RASGEF1C: variants seen among roughly 807,000 people sequenced by gnomAD.
The protein encoded by RASGEF1C is ras-GEF domain-containing family member 1C.
Under a neutral mutation model 58.1 loss-of-function variants are expected in RASGEF1C, and 27 were observed. That is an observed-to-expected ratio of 0.46 (90% CI 0.34 to 0.64). The LOEUF (loss-of-function observed/expected upper bound fraction) is 0.64, where lower values mean the gene tolerates loss of function less well. RASGEF1C is among the 30% of genes least tolerant of loss of function. The pLI, the probability that RASGEF1C is intolerant of heterozygous loss-of-function variation, is 0.01. For missense variants in RASGEF1C, 502 were observed against 605.1 expected (o/e 0.83, Z 1.79); for synonymous variants, 243 against 246.3 (o/e 0.99, Z 0.13).
chr5:180,206,718 A>C (rs958244864), intron 1 of RASGEF1C, among the ~76,000 whole-genome samples: 1 of 152,248 alleles, frequency 6.6e-6, no homozygotes, highest in Non-Finnish European at 1.5e-5. Flanking sequence ...ATAAACAATA[A>C]TAGTACAGCC....
At chr5:180,119,203 C>T (rs2113253666) in intron 8 of RASGEF1C, 143 bp downstream of exon 8, 1 of 730,800 alleles carries the variant, frequency 1.4e-6, no homozygotes, top group East Asian at 2.6e-5. Context: ...ATGGGGCTGC[C>T]CAGGCCTTCA....
intron 12 of RASGEF1C, 23 bp downstream of exon 12, chr5:180,111,434 G>A: frequency 6.2e-7 from 1 of 1,614,032 alleles, no homozygotes; most frequent in Non-Finnish European, 8.5e-7. Context: ...CCAGTAGGCA[G>A]GAGGGCTGCA....
chr5:180,126,247 A>C (rs911056692), intron 6 of RASGEF1C, among the ~76,000 whole-genome samples: 1 of 152,060 alleles, frequency 6.6e-6, no homozygotes, highest in Non-Finnish European at 1.5e-5. Context: ...CTCTACTAAA[A>C]ATACAAAAAA....
chr5:180,203,345 A>C (rs1756429034), intron 1 of RASGEF1C, among the ~76,000 whole-genome samples: 1 of 152,268 alleles, frequency 6.6e-6, no homozygotes, highest in Non-Finnish European at 1.5e-5. Flanking sequence ...TGATAGAGTA[A>C]GCAGTCATGC....
intron 1 of RASGEF1C, among the ~76,000 whole-genome samples, chr5:180,204,472 A>G (rs1756455453): frequency 6.6e-6 from 1 of 152,210 alleles, no homozygotes; most frequent in Non-Finnish European, 1.5e-5. Flanking sequence ...CAGACCTGAT[A>G]TTGGGAAATC....
At chr5:180,194,946 T>A (rs1756238868) in intron 1 of RASGEF1C, among the ~76,000 whole-genome samples, 1 of 152,152 alleles carries the variant, frequency 6.6e-6, no homozygotes. Context: ...CTGCTGAAGG[T>A]TGACAGGAAA....
intron 1 of RASGEF1C, among the ~76,000 whole-genome samples, chr5:180,180,038 C>T (rs551232056): frequency 1.3e-5 from 2 of 152,176 alleles, no homozygotes; most frequent in African/African-American, 2.4e-5. Context: ...GCCAGCTAGG[C>T]GGGGGCAGGC....
intron 12 of RASGEF1C, among the ~76,000 whole-genome samples, chr5:180,108,219 T>TTG (rs1765901372): frequency 2.0e-5 from 3 of 150,184 alleles, no homozygotes; most frequent in Non-Finnish European, 4.4e-5. Context: ...TTTTTTTTTT[T>TTG]GAGACAGAGT....
chr5:180,162,257 A>G (rs1766954775), intron 1 of RASGEF1C, among the ~76,000 whole-genome samples: 1 of 152,184 alleles, frequency 6.6e-6, no homozygotes, highest in African/African-American at 2.4e-5. Context: ...CCACTTTGCA[A>G]TCCCCATCTT....
At chr5:180,167,545 T>A (rs1767041713) in intron 1 of RASGEF1C, among the ~76,000 whole-genome samples, 1 of 152,180 alleles carries the variant, frequency 6.6e-6, no homozygotes, top group South Asian at 2.1e-4. Flanking sequence ...GGTTATTGTA[T>A]TTTTCAGTTC....
intron 1 of RASGEF1C, among the ~76,000 whole-genome samples, chr5:180,172,435 T>G (rs1446952227): frequency 1.3e-5 from 2 of 152,094 alleles, no homozygotes; most frequent in Admixed American, 1.3e-4. Context: ...CCAGGGGTCA[T>G]GAGGCAGCCA....
At chr5:180,173,734 G>A (rs752190642) in intron 1 of RASGEF1C, among the ~76,000 whole-genome samples, 3 of 152,074 alleles carry the variant, frequency 2.0e-5, no homozygotes, top group Admixed American at 6.5e-5. Context: ...CCAACATGGT[G>A]AAACCCCGTC....
At chr5:180,181,091 C>T (rs1368356638) in intron 1 of RASGEF1C, among the ~76,000 whole-genome samples, 3 of 152,208 alleles carry the variant, frequency 2.0e-5, no homozygotes, top group Non-Finnish European at 4.4e-5. Flanking sequence ...AGGAACCCCA[C>T]GTGGCTGCGG....
rs188853710 is a variant in RASGEF1C, at chr5:180,145,417, G to A, written c.-6-7359C>T. The stretch of plus-strand genomic sequence containing the variant: ...ATTACAGGCGTGAGCCACCGTGCCC[G>A]GCCCGCTGCACCATTTAAAATTACC... On this transcript the variant is annotated intron_variant, in intron 1 of 13. Transcript: ENST00000361132. 4.7e-4 allele frequency among the ~76,000 whole-genome samples: 72 copies of A among 152,304 alleles called. 1 individual carries two copies. The East Asian group carries it at 0.012, about 25-fold the overall frequency.
chr5:180,190,482 T>C lies in RASGEF1C; in HGVS notation c.-7+18546A>G, dbSNP rs539635768. 4.6e-3 allele frequency among the ~76,000 whole-genome samples: 327 copies of C among 71,238 alleles called. 124 individuals carry two copies. Among genetic ancestry groups the C allele is most frequent in the East Asian group, 0.017 (30 of 1,728 alleles). The allele number at this position is 71,238 out of a possible 152,430, so 46.7% of individuals were successfully genotyped here. A position where few individuals can be genotyped will look rare whatever the true frequency, so the allele number is the denominator to read the frequency against. On this transcript the variant is annotated intron_variant, in intron 1 of 13. Transcript: ENST00000361132. ...TCCAGACTGGGTGACAGAGTGAGAC[T>C]CCGTCTCAAAAAAAAAAAAAAAAAA...
rs1336946125 is a variant in RASGEF1C, at chr5:180,156,206, G to A, written c.-6-18148C>T. ...TATTTATCCCCAAATACCCTGCCTA[G>A]TTTGACAGCAGAGGGCAGGTGCATG... is the stretch of plus-strand genomic sequence containing the variant. On this transcript the variant is annotated intron_variant, in intron 1 of 13. Transcript: ENST00000361132. This position sits in a 1 kb window ranked among gnomAD's most constrained non-coding sequence, Gnocchi z 4.9. Among the ~76,000 whole-genome samples, 2 of 152,102 alleles carry A rather than the reference G, an allele frequency of 1.3e-5. No homozygotes were observed. Among genetic ancestry groups the A allele is most frequent in the Non-Finnish European group, 2.9e-5 (2 of 68,010 alleles).
chr5:180,120,348 G>A (rs953984650), intron 7 of RASGEF1C, among the ~76,000 whole-genome samples: 4 of 152,230 alleles, frequency 2.6e-5, no homozygotes, highest in African/African-American at 7.2e-5. Context: ...CACGTCGCAT[G>A]GGGCCGCCTC....
chr5:180,151,872 G>GA (rs199886384), intron 1 of RASGEF1C, among the ~76,000 whole-genome samples: 21 of 148,866 alleles, frequency 1.4e-4, no homozygotes, highest in African/African-American at 4.9e-4. Context: ...AAATTTACAA[G>GA]AAAAAAACAA....
At position 180,183,822 on chromosome 5, in the gene RASGEF1C, CAATAAATAAATAAATA is replaced by C. The variant is rs56828482; in HGVS notation, c.-7+25190_-7+25205del. Among the ~76,000 whole-genome samples, 170 of 149,536 alleles carry C rather than the reference CAATAAATAAATAAATA, an allele frequency of 1.1e-3. No individual in the cohort carries two copies. In the Middle Eastern group the frequency reaches 0.021, roughly 19 times the overall value. Reference sequence around the variant, plus strand: ...GGGAAACAAGAGCAAAACTCCATCTCAATAAATAAATAAATAAATAAATAAATAGATTTCAGAATAG... The same window carrying C: ...GGGAAACAAGAGCAAAACTCCATCTCAATAAATAAATAGATTTCAGAATAG... On this transcript the variant is annotated intron_variant, in intron 1 of 13. Transcript: ENST00000361132.
Sources: allele counts gnomAD v4.1 joint callset (sites outside exome capture counted in the v4.1 genomes callset), GRCh38; gene constraint gnomAD v4.1.1; non-coding constraint Gnocchi (gnomAD v3.1); transcripts MANE v1.5; gene names NCBI Gene and HGNC (gene_info 2026-07-23, HGNC 2026-07-21).